Variants in NRP2 observed in about 807,000 individuals in gnomAD.
NRP2 encodes the protein neuropilin 2.
A neutral mutation model predicts 110.4 loss-of-function variants in NRP2; 52 were observed. That is an observed-to-expected ratio of 0.47 (90% confidence interval 0.38 to 0.59). NRP2 has a LOEUF of 0.59. Ranked by LOEUF, NRP2 falls within the 20% of genes least tolerant of loss-of-function variation. The probability of loss-of-function intolerance (pLI) is 0.00; values close to 1 mark genes in which losing one functional copy is unlikely to be tolerated. For missense variants in NRP2, 1,049 were observed against 1,203.0 expected (o/e 0.87, Z 1.89); for synonymous variants, 508 against 468.9 (o/e 1.08, Z -1.08).
intron 4 of NRP2, among the ~76,000 whole-genome samples, 187 bp downstream of exon 4, chr2:205,722,895 C>T (rs572810033): frequency 2.0e-5 from 3 of 152,292 alleles, no homozygotes; most frequent in Admixed American, 2.0e-4. Flanking sequence ...TGTCTACTTT[C>T]TTGGAAATAT....
At chr2:205,790,976 G>A (rs974845991) in intron 15 of NRP2, among the ~76,000 whole-genome samples, 2 of 152,194 alleles carry the variant, frequency 1.3e-5, no homozygotes, top group Admixed American at 1.3e-4. Flanking sequence ...GGGACCGAGG[G>A]GGATGAGAAT....
intron 15 of NRP2, among the ~76,000 whole-genome samples, chr2:205,788,040 G>A (rs2058255214): frequency 6.6e-6 from 1 of 152,108 alleles, no homozygotes; most frequent in East Asian, 1.9e-4. Context: ...ACTCTTCCAG[G>A]GTGGAGGGTG....
At chr2:205,776,663 A>G (rs917682188) in intron 15 of NRP2, 50 of 1,554,812 alleles carry the variant, frequency 3.2e-5, no homozygotes, top group Non-Finnish European at 4.1e-5. Flanking sequence ...AACCCTGAGC[A>G]CTCTTATCAA....
At chr2:205,759,985 A>G (rs1559353353) in intron 12 of NRP2, among the ~76,000 whole-genome samples, 3 of 152,258 alleles carry the variant, frequency 2.0e-5, no homozygotes. Flanking sequence ...AGTCCAATCC[A>G]GATGAGAAGC....
At chr2:205,697,432 G>C (rs2056455946) in intron 1 of NRP2, 112 bp from the exon 2 acceptor site, 1 of 1,008,576 alleles carries the variant, frequency 9.9e-7, no homozygotes, top group African/African-American at 1.6e-5. Flanking sequence ...TGCCATAAAA[G>C]GTCTGTAAAA....
At chr2:205,738,946 T>C (rs1325630343) in intron 7 of NRP2, among the ~76,000 whole-genome samples, 1 of 152,208 alleles carries the variant, frequency 6.6e-6, no homozygotes, top group Non-Finnish European at 1.5e-5. Context: ...TCTTCAGTGG[T>C]GTGTTATTAA....
rs1480841338 is a variant in NRP2 at position 205,794,755 on chromosome 2, T to A, written c.2478T>A (p.Asp826Glu). Reference sequence around the variant, plus strand: ...TCTCATGAATTTTATGTATCGCAGATGAATACGAGGTGGACTGGAGCAATT... The same window carrying A: ...TCTCATGAATTTTATGTATCGCAGAAGAATACGAGGTGGACTGGAGCAATT... Reference protein sequence around the residue: ...EREGYEDEIDDEYEVDWSNSS... With the variant: ...EREGYEDEIDEEYEVDWSNSS... The change falls in exon 17 of 17, where the codon GAT (aspartate) becomes GAA (glutamate). Residue 826 changes from aspartate to glutamate, a missense_variant and splice_region_variant. By Grantham distance (45) the Asp-to-Glu change is conservative (BLOSUM62 2). Coordinates refer to ENST00000357785, the MANE Select transcript of NRP2 (RefSeq NM_003872.3). 1.9e-6 allele frequency: 3 copies of A among 1,614,156 alleles called. No homozygotes were observed. The highest frequency in any genetic ancestry group is 2.5e-6 in the Non-Finnish European group (3 of 1,180,014).
intron 2 of NRP2, chr2:205,700,776 C>T (rs3771051): frequency 0.18 from 91,074 of 517,980 alleles, 9,217 homozygotes; most frequent in Non-Finnish European, 0.23. Flanking sequence ...TCCAAGGCCA[C>T]CATCTCTGGT....
At chr2:205,758,304 G>A (rs185715539) in intron 12 of NRP2, among the ~76,000 whole-genome samples, 14 of 152,326 alleles carry the variant, frequency 9.2e-5, no homozygotes, top group African/African-American at 3.4e-4. Context: ...CAAGATGCTA[G>A]CCAGGAGATG....
In NRP2 at chr2:205,763,200, A is replaced by C. The variant is rs531848879; in HGVS notation, c.2045-474A>C. 6.6e-6 allele frequency among the ~76,000 whole-genome samples: 1 copy of C among 152,282 alleles called. No individual in the cohort carries two copies. Among genetic ancestry groups the C allele is most frequent in the Admixed American group, 6.5e-5 (1 of 15,296 alleles). On this transcript the variant is annotated intron_variant, in intron 12 of 16. Coordinates refer to ENST00000357785, the MANE Select transcript of NRP2 (RefSeq NM_003872.3). The surrounding 1 kb of genome is among the most constrained non-coding windows in gnomAD (Gnocchi z 4.0). ...AGCCAAGATGGCCAGGGCTGGAAGC[A>C]TCAACCACCTGGTCATAGTCACCCT...
intron 12 of NRP2, among the ~76,000 whole-genome samples, chr2:205,755,993 T>A (rs995087081): frequency 6.6e-6 from 1 of 152,142 alleles, no homozygotes; most frequent in African/African-American, 2.4e-5. Context: ...GATTTCATTA[T>A]TTTCTCATAT....
In NRP2 at chr2:205,728,053, C is replaced by T. The variant is rs183355317; in HGVS notation, c.1146+7C>T. The T allele has an allele frequency of 8.8e-4, 1,426 of 1,614,056 alleles. 3 individuals carry two copies. The highest frequency in any genetic ancestry group is 2.0e-3 in the Middle Eastern group (12 of 6,062). On this transcript the variant is annotated splice_region_variant and intron_variant, in intron 7 of 16. Coordinates refer to ENST00000357785, the MANE Select transcript of NRP2 (RefSeq NM_003872.3). ...GCATGGCAAAAACCACAAGGTAAAT[C>T]CATGATCCTACCTTAAAGGCACATT...
At chr2:205,751,599 T>C (rs2057646807) in intron 11 of NRP2, among the ~76,000 whole-genome samples, 1 of 152,166 alleles carries the variant, frequency 6.6e-6, no homozygotes, top group African/African-American at 2.4e-5. Flanking sequence ...TATCCTGTCC[T>C]GGAAAGGGAA....
At chr2:205,785,505 C>A (rs970444020) in intron 15 of NRP2, among the ~76,000 whole-genome samples, 1 of 152,178 alleles carries the variant, frequency 6.6e-6, no homozygotes, top group African/African-American at 2.4e-5. Context: ...TGAAAAGAGC[C>A]AATTGCTTGT....
rs3072627 is a variant in NRP2, at chr2:205,697,312, C to CTGTGTGTGTGTGTGTG, written c.74-214_74-199dup. 1.4e-3 allele frequency among the ~76,000 whole-genome samples: 192 copies of CTGTGTGTGTGTGTGTG among 137,936 alleles called. 3 individuals are homozygous for CTGTGTGTGTGTGTGTG. The highest frequency in any genetic ancestry group is 5.1e-3 in the African/African-American group (177 of 34,718). 90.5% of individuals were successfully genotyped at this position (137,936 alleles called of 152,430 possible). A position where few individuals can be genotyped will look rare whatever the true frequency, so the allele number is the denominator to read the frequency against. On this transcript the variant is annotated intron_variant, in intron 1 of 16. Transcript: ENST00000357785. Reference sequence around the variant, plus strand: ...TGGCCATGTTCTGGAATACTTTCATCTGTGTGTGTGTGTGTGTGTGTGTGT... The same window carrying CTGTGTGTGTGTGTGTG: ...TGGCCATGTTCTGGAATACTTTCATCTGTGTGTGTGTGTGTGTGTGTGTGTGTGTGTGTGTGTGTGT...
intron 15 of NRP2, among the ~76,000 whole-genome samples, chr2:205,788,119 C>G (rs1191711858): frequency 6.6e-6 from 1 of 152,062 alleles, no homozygotes; most frequent in Non-Finnish European, 1.5e-5. Flanking sequence ...AAAATCAGGA[C>G]AGCAGGAGAT....
Position 205,683,157 on chromosome 2 carries a change from C to A in NRP2, c.-134C>A. The A allele has an allele frequency of 1.4e-6, 1 of 694,050 alleles. No homozygotes were observed. The allele number at this position is 694,050 out of a possible 1,614,324, so 43.0% of individuals were successfully genotyped here. A position where few individuals can be genotyped will look rare whatever the true frequency, so the allele number is the denominator to read the frequency against. On this transcript the variant is annotated 5_prime_UTR_variant, in exon 1 of 17. Transcript: ENST00000357785. ...TAGAGGTGAAGACAAGCCACCAGGA[C>A]TCAGGAGGGAAACGCTGACCATTAG...
At chr2:205,735,393 G>A (rs1390552835) in intron 7 of NRP2, among the ~76,000 whole-genome samples, 1 of 141,718 alleles carries the variant, frequency 7.1e-6, no homozygotes, top group African/African-American at 2.6e-5. Flanking sequence ...CAGAGAAAAT[G>A]TTCTGAGATG....
intron 15 of NRP2, chr2:205,776,389 C>T (rs760696483): frequency 1.2e-6 from 2 of 1,613,500 alleles, no homozygotes; most frequent in East Asian, 2.2e-5. Flanking sequence ...GCTCCACTAC[C>T]ACCGGTTCCG....
Sources: allele counts gnomAD v4.1 joint callset (sites outside exome capture counted in the v4.1 genomes callset), GRCh38; gene constraint gnomAD v4.1.1; non-coding constraint Gnocchi (gnomAD v3.1); transcripts MANE v1.5; gene names NCBI Gene and HGNC (gene_info 2026-07-23, HGNC 2026-07-21).